ATAD2B: variants seen among roughly 807,000 people sequenced by gnomAD.
ATAD2B encodes ATPase family AAA domain-containing protein 2B.
ATAD2B carries 40 observed loss-of-function variants against 167.6 expected under a neutral mutation model. The observed-to-expected ratio is 0.24, with a 90% CI of 0.19 to 0.31. The LOEUF (loss-of-function observed/expected upper bound fraction) is 0.31, where lower values mean the gene tolerates loss of function less well. Among genes scored for constraint, ATAD2B ranks in the 10% least tolerant of loss-of-function variants. The pLI is 1.00. For synonymous variants in ATAD2B, 579 were observed against 596.5 expected, an observed-to-expected ratio of 0.97 and a Z score of 0.43; for missense variants, 1,242 against 1,757.2, an observed-to-expected ratio of 0.71 and a Z score of 5.24.
At chr2:23,691,752 G>A in the ATAD2B span, 1 of 1,551,796 alleles carries the variant, frequency 6.4e-7, no homozygotes, top group Non-Finnish European at 8.7e-7. Flanking sequence ...ACGTCCTGGA[G>A]TTGCTGCTGG....
At chr2:23,849,821 C>G (rs555090965) in intron 13 of ATAD2B, among the ~76,000 whole-genome samples, 1 of 151,996 alleles carries the variant, frequency 6.6e-6, no homozygotes, top group Admixed American at 6.6e-5. Context: ...AGTGAGACTC[C>G]GTCTCAAAAA....
chr2:23,842,510 T>C (rs1305833703), intron 13 of ATAD2B, among the ~76,000 whole-genome samples: 1 of 152,142 alleles, frequency 6.6e-6, no homozygotes, highest in Non-Finnish European at 1.5e-5. Flanking sequence ...TGGGAGTTCA[T>C]GGTCACTTGG....
At chr2:23,703,587 C>G in the ATAD2B span, 1 of 1,214,540 alleles carries the variant, frequency 8.2e-7, no homozygotes, top group Non-Finnish European at 1.1e-6. Context: ...GGCCCCGGAC[C>G]CATCCCCAGG....
chr2:23,737,037 C>G, the ATAD2B span, among the ~76,000 whole-genome samples: 2 of 152,226 alleles, frequency 1.3e-5, no homozygotes, highest in Non-Finnish European at 2.9e-5. Flanking sequence ...ATTAGGTAAA[C>G]AAAGCAGCCT....
At chr2:23,872,591 C>T (rs1191302417) in intron 8 of ATAD2B, 10 of 1,275,594 alleles carry the variant, frequency 7.8e-6, no homozygotes, top group South Asian at 3.6e-5. Context: ...TGCATGCCTG[C>T]GATCCTTACT....
chr2:23,709,447 T>C, the ATAD2B span, among the ~76,000 whole-genome samples: 9 of 152,338 alleles, frequency 5.9e-5, no homozygotes, highest in Admixed American at 2.6e-4. Context: ...TACCTTGCTA[T>C]GCTAAGGACT....
intron 13 of ATAD2B, among the ~76,000 whole-genome samples, chr2:23,844,828 G>T (rs935550908): frequency 6.6e-6 from 1 of 151,590 alleles, no homozygotes; most frequent in Admixed American, 6.6e-5. Flanking sequence ...AAATAATGAA[G>T]AAATAGTGGC....
At chr2:23,775,862 T>C (rs1679023464) in intron 22 of ATAD2B, among the ~76,000 whole-genome samples, 1 of 152,136 alleles carries the variant, frequency 6.6e-6, no homozygotes, top group African/African-American at 2.4e-5. Flanking sequence ...ATACAACTAG[T>C]AATCCAGCAC....
chr2:23,920,755 T>C (rs1703793001), intron 1 of ATAD2B, among the ~76,000 whole-genome samples: 1 of 152,146 alleles, frequency 6.6e-6, no homozygotes, highest in African/African-American at 2.4e-5. Flanking sequence ...ACATACATGA[T>C]TCCCCCCCAA....
the ATAD2B span, among the ~76,000 whole-genome samples, chr2:23,682,053 T>C: frequency 1.3e-5 from 2 of 151,184 alleles, no homozygotes; most frequent in Non-Finnish European, 2.9e-5. This position sits in a 1 kb window ranked among gnomAD's most constrained non-coding sequence, Gnocchi z 4.1. Flanking sequence ...TCTTGTTCCC[T>C]CCCTTCCTGA....
intron 22 of ATAD2B, among the ~76,000 whole-genome samples, chr2:23,781,010 C>T (rs1679948034): frequency 6.6e-6 from 1 of 151,962 alleles, no homozygotes. Context: ...TATTACCTAT[C>T]AAATAAATAG....
chr2:23,707,472 A>T, the ATAD2B span: 1 of 152,260 alleles, frequency 6.6e-6, no homozygotes, highest in African/African-American at 2.4e-5. Context: ...CTTTGTAGGT[A>T]GTGCCAGAGG....
chr2:23,679,051 TAA>T, the ATAD2B span, among the ~76,000 whole-genome samples: 348 of 141,548 alleles, frequency 2.5e-3, no homozygotes, highest in Middle Eastern at 3.5e-3. Context: ...TTACCACAAC[TAA>T]AAAAAAAAAA....
At chr2:23,926,097 A>G (rs963054407) in intron 1 of ATAD2B, among the ~76,000 whole-genome samples, 1 of 152,228 alleles carries the variant, frequency 6.6e-6, no homozygotes, top group African/African-American at 2.4e-5. Flanking sequence ...ACCAACTTGA[A>G]CCACCCCCAA....
At chr2:23,769,711 G>GATTTTTTTTTTT (rs199842019) in intron 22 of ATAD2B, among the ~76,000 whole-genome samples, 1 of 129,836 alleles carries the variant, frequency 7.7e-6, no homozygotes, top group Non-Finnish European at 1.7e-5. Context: ...TCTCACTGTG[G>GATTTTTTTTTTT]GTTTTTTTTT....
intron 1 of ATAD2B, among the ~76,000 whole-genome samples, chr2:23,919,188 A>AG (rs1553460803): frequency 1.1e-4 from 16 of 150,978 alleles, no homozygotes; most frequent in Admixed American, 4.6e-4. Context: ...ATTAAAAAAA[A>AG]AGAGAGAGAG....
intron 18 of ATAD2B, 77 bp from the exon 19 acceptor site, chr2:23,798,400 T>A (rs1173726630): frequency 8.5e-7 from 1 of 1,172,116 alleles, no homozygotes; most frequent in Non-Finnish European, 1.2e-6. Flanking sequence ...TCCAAATACA[T>A]GAAATATGTC....
chr2:23,822,573 C>G (rs1263200779), intron 16 of ATAD2B, among the ~76,000 whole-genome samples: 3 of 151,740 alleles, frequency 2.0e-5, no homozygotes, highest in Non-Finnish European at 2.9e-5. Context: ...GCCTACATCT[C>G]CCACTCCCCT....
chr2:23,809,629 T>C (rs1321614921), intron 18 of ATAD2B, among the ~76,000 whole-genome samples: 2 of 152,292 alleles, frequency 1.3e-5, no homozygotes, highest in African/African-American at 4.8e-5. Context: ...TGAAACATTA[T>C]TATTCAAACA....
Sources: allele counts gnomAD v4.1 joint callset (sites outside exome capture counted in the v4.1 genomes callset), GRCh38; gene constraint gnomAD v4.1.1; non-coding constraint Gnocchi (gnomAD v3.1); transcripts MANE v1.5; gene names NCBI Gene and HGNC (gene_info 2026-07-23, HGNC 2026-07-21).